LGR5: variants seen among roughly 807,000 people sequenced by gnomAD.
The protein encoded by LGR5 is leucine-rich repeat-containing G protein-coupled receptor 5.
A neutral mutation model predicts 76.7 loss-of-function variants in LGR5; 54 were observed. That is an observed-to-expected ratio of 0.70 (90% confidence interval 0.57 to 0.88). The LOEUF is 0.88. Ranked by LOEUF, LGR5 falls within the 40% of genes least tolerant of loss-of-function variation. The pLI is 0.00. For missense variants in LGR5, 1,078 were observed against 1,073.3 expected (o/e 1.00, Z -0.06); for synonymous variants, 406 against 421.9 (o/e 0.96, Z 0.46).
At chr12:71,498,811 A>G (rs1874454278) in intron 1 of LGR5, among the ~76,000 whole-genome samples, 1 of 152,236 alleles carries the variant, frequency 6.6e-6, no homozygotes, top group African/African-American at 2.4e-5. Flanking sequence ...AGCAGGGGAC[A>G]AAGGAGAACA....
chr12:71,537,165 G>A (rs926709897), intron 4 of LGR5, among the ~76,000 whole-genome samples: 3 of 145,558 alleles, frequency 2.1e-5, no homozygotes, highest in Non-Finnish European at 4.5e-5. Flanking sequence ...CAGCTTTGAT[G>A]CAAGACTTAA....
intron 4 of LGR5, among the ~76,000 whole-genome samples, chr12:71,550,373 T>A (rs1250570844): frequency 6.6e-6 from 1 of 151,500 alleles, no homozygotes; most frequent in Non-Finnish European, 1.5e-5. Context: ...CTGGTCTTGA[T>A]CTCCTGACCT....
At position 71,577,159 on chromosome 12, in the gene LGR5, A is replaced by C. The variant is rs73339863; in HGVS notation, c.1209-766A>C. 3.3e-3 allele frequency among the ~76,000 whole-genome samples: 498 copies of C among 152,340 alleles called. 3 individuals are homozygous for C. Among genetic ancestry groups the C allele is most frequent in the Middle Eastern group, 0.017 (5 of 294 alleles). On this transcript the variant is annotated intron_variant, in intron 13 of 17. Transcript: ENST00000266674. ...TTACTTTCAGTTCTCTCAAATGCCT[A>C]CATCTTAGTTACCATTGTTAGTCAT...
At chr12:71,578,624 T>C (rs1226603624) in intron 14 of LGR5, among the ~76,000 whole-genome samples, 180 bp from the exon 15 acceptor site, 1 of 152,314 alleles carries the variant, frequency 6.6e-6, no homozygotes, top group South Asian at 2.1e-4. Flanking sequence ...ACAATCCTGA[T>C]TGTGAATAGA....
At chr12:71,565,057 G>C (rs968736472) in intron 8 of LGR5, among the ~76,000 whole-genome samples, 1 of 151,722 alleles carries the variant, frequency 6.6e-6, no homozygotes, top group Non-Finnish European at 1.5e-5. Context: ...GAGCTGATAA[G>C]ATATTAAGAG....
intron 1 of LGR5, among the ~76,000 whole-genome samples, chr12:71,464,976 C>G (rs1872806501): frequency 6.6e-6 from 1 of 152,092 alleles, no homozygotes; most frequent in Admixed American, 6.5e-5. Context: ...GAGATGAGGT[C>G]ATAAGATCCT....
At chr12:71,472,016 G>T (rs1417704881) in intron 1 of LGR5, among the ~76,000 whole-genome samples, 1 of 152,092 alleles carries the variant, frequency 6.6e-6, no homozygotes, top group Non-Finnish European at 1.5e-5. Flanking sequence ...GTAGAAGGGC[G>T]GTGAGGGATA....
chr12:71,477,806 T>TG (rs1260464917), intron 1 of LGR5, among the ~76,000 whole-genome samples: 1 of 152,216 alleles, frequency 6.6e-6, no homozygotes, highest in African/African-American at 2.4e-5. Flanking sequence ...GAGTTGGCCA[T>TG]GTGTCAACTA....
chr12:71,522,322 A>G (rs1223855789), intron 2 of LGR5, among the ~76,000 whole-genome samples: 3 of 152,214 alleles, frequency 2.0e-5, no homozygotes, highest in Non-Finnish European at 2.9e-5. Context: ...TGGGGAGACA[A>G]GATGGAAGGT....
intron 3 of LGR5, among the ~76,000 whole-genome samples, chr12:71,534,858 T>G (rs1876503505): frequency 6.6e-6 from 1 of 152,188 alleles, no homozygotes; most frequent in African/African-American, 2.4e-5. Flanking sequence ...AATAAAAATC[T>G]CACCCCCTGA....
At chr12:71,480,640 T>C (rs1322785869) in intron 1 of LGR5, among the ~76,000 whole-genome samples, 3 of 152,042 alleles carry the variant, frequency 2.0e-5, no homozygotes. Flanking sequence ...ATTGGGAGAA[T>C]AAAAGGCAGT....
chr12:71,553,276 G>C lies in LGR5; in HGVS notation c.632G>C (p.Ser211Thr). The part of the protein sequence containing the change: ...IPDYAFGNLS[S>T]LVVLHLHNNR... ...GACTATGCCTTTGGAAACCTCTCCA[G>C]CTTGGTAGTTCTGTAAGTTTTATTG... The change falls in exon 5 of 18, where the codon AGC (serine) becomes ACC (threonine). Residue 211 changes from serine to threonine, a missense_variant. Coordinates refer to ENST00000266674, the MANE Select transcript of LGR5 (RefSeq NM_003667.4). 6.2e-7 allele frequency: 1 copy of C among 1,613,474 alleles called. No homozygotes were observed. Among genetic ancestry groups the C allele is most frequent in the Non-Finnish European group, 8.5e-7 (1 of 1,179,558 alleles).
intron 1 of LGR5, among the ~76,000 whole-genome samples, chr12:71,451,677 G>C (rs181000628): frequency 3.3e-4 from 50 of 152,214 alleles, no homozygotes; most frequent in African/African-American, 1.1e-3. Context: ...CTACTTGTCC[G>C]TTTCTACTAC....
chr12:71,560,960 G>C (rs1878027146), intron 7 of LGR5, among the ~76,000 whole-genome samples: 1 of 152,158 alleles, frequency 6.6e-6, no homozygotes. Flanking sequence ...CTGCCTTTTA[G>C]ATGATAAAAT....
intron 1 of LGR5, among the ~76,000 whole-genome samples, chr12:71,474,549 G>A (rs1873245265): frequency 1.3e-5 from 2 of 152,174 alleles, no homozygotes; most frequent in Admixed American, 1.3e-4. Context: ...AGTAAGTGGG[G>A]AGAAGTTATT....
chr12:71,502,431 C>T (rs1179208512), intron 1 of LGR5, among the ~76,000 whole-genome samples: 3 of 152,022 alleles, frequency 2.0e-5, no homozygotes, highest in Non-Finnish European at 4.4e-5. Context: ...CTCCTGACCT[C>T]GGGTGACCCA....
At position 71,585,021 on chromosome 12, in the gene LGR5, T is replaced by G. The variant is rs1879263017; in HGVS notation, c.*287T>G. The G allele has an allele frequency of 3.1e-6, 1 of 326,104 alleles. No homozygotes were observed. Among genetic ancestry groups the G allele is most frequent in the Admixed American group, 4.4e-5 (1 of 22,768 alleles). The allele number at this position is 326,104 out of a possible 1,614,324, so 20.2% of individuals were successfully genotyped here. A position where few individuals can be genotyped will look rare whatever the true frequency, so the allele number is the denominator to read the frequency against. ...TTGAAATTTTCTTTAGAAAAGATTC[T>G]CCATGATTTGAATTGCATTCTCTTT... On this transcript the variant is annotated 3_prime_UTR_variant, in exon 18 of 18. Coordinates refer to ENST00000266674, the MANE Select transcript of LGR5 (RefSeq NM_003667.4).
Position 71,440,010 on chromosome 12 carries a change from C to T in LGR5, c.-71C>T. ...GAAGCCCACGGAGCGGCGCCCGGCGCGCCACGGCCCGTAGCAGTCCGGTGC... is the reference window on the plus strand; with the variant it reads ...GAAGCCCACGGAGCGGCGCCCGGCGTGCCACGGCCCGTAGCAGTCCGGTGC... On this transcript the variant is annotated 5_prime_UTR_variant, in exon 1 of 18. Transcript: ENST00000266674. The surrounding 1 kb of genome is among the most constrained non-coding windows in gnomAD (Gnocchi z 5.3). 1 of 1,466,482 alleles carries T rather than the reference C, an allele frequency of 6.8e-7. No individual in the cohort carries two copies. Among genetic ancestry groups the T allele is most frequent in the Non-Finnish European group, 9.3e-7 (1 of 1,072,158 alleles). 90.8% of individuals were successfully genotyped at this position (1,466,482 alleles called of 1,614,324 possible). A position where few individuals can be genotyped will look rare whatever the true frequency, so the allele number is the denominator to read the frequency against.
chr12:71,551,633 C>T (rs1045633596), intron 4 of LGR5, among the ~76,000 whole-genome samples: 3 of 152,118 alleles, frequency 2.0e-5, no homozygotes, highest in Non-Finnish European at 4.4e-5. Flanking sequence ...ACATTGCAAA[C>T]GATGTGAGTT....
Sources: allele counts gnomAD v4.1 joint callset (sites outside exome capture counted in the v4.1 genomes callset), GRCh38; gene constraint gnomAD v4.1.1; non-coding constraint Gnocchi (gnomAD v3.1); transcripts MANE v1.5; gene names NCBI Gene and HGNC (gene_info 2026-07-23, HGNC 2026-07-21).